Variants in CTNNA3 observed in about 807,000 individuals in gnomAD.
CTNNA3 encodes the protein catenin alpha-3.
Under a neutral mutation model 95.7 loss-of-function variants are expected in CTNNA3, and 76 were observed. The ratio of observed to expected loss-of-function variants is 0.79; its 90% CI spans 0.66 to 0.96. The LOEUF (loss-of-function observed/expected upper bound fraction) is 0.96, where lower values mean the gene tolerates loss of function less well. Among genes scored for constraint, CTNNA3 ranks in the 40% least tolerant of loss-of-function variants. The pLI is 0.00. For synonymous variants in CTNNA3, 431 were observed against 374.4 expected (o/e 1.15, Z -1.74); for missense variants, 1,191 against 1,089.8 (o/e 1.09, Z -1.31).
chr10:66,138,068 C>T (rs1161905395), intron 13 of CTNNA3, among the ~76,000 whole-genome samples: 2 of 151,342 alleles, frequency 1.3e-5, no homozygotes, highest in Non-Finnish European at 3.0e-5. Context: ...AGTAAAAGAA[C>T]AAAATTACTC....
chr10:66,838,865 T>A (rs1842960988), intron 7 of CTNNA3, among the ~76,000 whole-genome samples: 1 of 152,210 alleles, frequency 6.6e-6, no homozygotes, highest in African/African-American at 2.4e-5. Flanking sequence ...TACCTCAGAC[T>A]AATCACTGAA....
chr10:67,262,372 G>A (rs1005561020), intron 5 of CTNNA3, among the ~76,000 whole-genome samples: 1 of 152,100 alleles, frequency 6.6e-6, no homozygotes, highest in Non-Finnish European at 1.5e-5. Context: ...GAACATCCAC[G>A]CAAGAGGATA....
At chr10:66,093,953 G>T (rs755541080) in intron 14 of CTNNA3, among the ~76,000 whole-genome samples, 6 of 152,046 alleles carry the variant, frequency 3.9e-5, no homozygotes, top group Admixed American at 6.6e-5. Flanking sequence ...AGTGCTAAAA[G>T]AAGACAACAT....
At chr10:67,656,203 A>T (rs1281677930) in intron 1 of CTNNA3, among the ~76,000 whole-genome samples, 2 of 152,228 alleles carry the variant, frequency 1.3e-5, no homozygotes, top group Non-Finnish European at 2.9e-5. Context: ...GGTAAACAAA[A>T]GGATCTGAGG....
intron 11 of CTNNA3, among the ~76,000 whole-genome samples, chr10:66,431,642 A>G (rs1320577903): frequency 6.6e-6 from 1 of 151,548 alleles, no homozygotes; most frequent in South Asian, 2.1e-4. Context: ...AAACTGTCGC[A>G]AGGACAAAAA....
chr10:67,122,872 T>A (rs1859536472), intron 7 of CTNNA3, among the ~76,000 whole-genome samples: 1 of 152,110 alleles, frequency 6.6e-6, no homozygotes, highest in Non-Finnish European at 1.5e-5. Flanking sequence ...CTACCTAATG[T>A]GTCAGAATTG....
At chr10:67,528,780 A>T (rs1840226775) in intron 4 of CTNNA3, among the ~76,000 whole-genome samples, 1 of 152,228 alleles carries the variant, frequency 6.6e-6, no homozygotes, top group South Asian at 2.1e-4. Context: ...CAAAGTAAGC[A>T]CACAAAAATA....
chr10:66,276,865 T>C (rs1275929244), intron 13 of CTNNA3, among the ~76,000 whole-genome samples: 2 of 152,102 alleles, frequency 1.3e-5, no homozygotes, highest in African/African-American at 4.8e-5. Context: ...CATGTAAGCA[T>C]AATAATCTTT....
intron 10 of CTNNA3, among the ~76,000 whole-genome samples, chr10:66,603,277 T>C (rs1843998387): frequency 6.6e-6 from 1 of 152,066 alleles, no homozygotes; most frequent in African/African-American, 2.4e-5. Context: ...AAATTAATAG[T>C]GTGTCTGCAA....
At chr10:66,206,771 G>T (rs2087785535) in intron 13 of CTNNA3, among the ~76,000 whole-genome samples, 1 of 151,796 alleles carries the variant, frequency 6.6e-6, no homozygotes, top group African/African-American at 2.4e-5. Flanking sequence ...ATATTTTCTG[G>T]TGTTTCTTAT....
At chr10:66,922,596 G>A (rs988712864) in intron 7 of CTNNA3, among the ~76,000 whole-genome samples, 2 of 152,140 alleles carry the variant, frequency 1.3e-5, no homozygotes, top group Admixed American at 6.5e-5. Flanking sequence ...GACTTAAGGG[G>A]TCGTGCCAAA....
chr10:67,195,518 C>T (rs1389002431), intron 6 of CTNNA3, among the ~76,000 whole-genome samples: 4 of 122,498 alleles, frequency 3.3e-5, no homozygotes, highest in Non-Finnish European at 6.9e-5. Context: ...GGGCGGGGGG[C>T]GGGTAGGCTC....
chr10:67,181,097 A>G (rs978895464), intron 6 of CTNNA3, among the ~76,000 whole-genome samples: 3 of 152,204 alleles, frequency 2.0e-5, no homozygotes, highest in Non-Finnish European at 4.4e-5. Flanking sequence ...ACAAGTATCC[A>G]TGTCTTTCAA....
intron 3 of CTNNA3, among the ~76,000 whole-genome samples, chr10:67,546,232 A>G (rs77154340): frequency 0.13 from 19,639 of 152,016 alleles, 1,581 homozygotes; most frequent in East Asian, 0.31. Context: ...CCTGGGATCA[A>G]GCAATCCTCC....
At chr10:67,325,537 G>A (rs558996406) in intron 5 of CTNNA3, among the ~76,000 whole-genome samples, 1 of 152,190 alleles carries the variant, frequency 6.6e-6, no homozygotes, top group African/African-American at 2.4e-5. Context: ...AAATTATGTG[G>A]CTTTGAGTGA....
chr10:66,063,888 A>G (rs2080260453), intron 15 of CTNNA3, among the ~76,000 whole-genome samples: 1 of 152,152 alleles, frequency 6.6e-6, no homozygotes, highest in African/African-American at 2.4e-5. Flanking sequence ...CTTCCTGAAT[A>G]TAAGAATAGT....
intron 7 of CTNNA3, among the ~76,000 whole-genome samples, chr10:66,827,418 A>G (rs1279145200): frequency 2.6e-5 from 4 of 152,066 alleles, no homozygotes; most frequent in African/African-American, 7.2e-5. Flanking sequence ...TGATACTTTC[A>G]ATTTCTGATT....
intron 9 of CTNNA3, among the ~76,000 whole-genome samples, chr10:66,713,082 G>A (rs1200717465): frequency 3.9e-5 from 6 of 152,006 alleles, no homozygotes; most frequent in African/African-American, 1.4e-4. Context: ...AACCCTCAAG[G>A]TAACAGAGCT....
At chr10:66,685,403 C>T (rs7475832) in intron 9 of CTNNA3, among the ~76,000 whole-genome samples, 44,640 of 84,212 alleles carry the variant, frequency 0.53, 12,525 homozygotes, top group African/African-American at 0.67. Flanking sequence ...GATGGAGTCT[C>T]GCTCTTTCGC....
Sources: allele counts gnomAD v4.1 joint callset (sites outside exome capture counted in the v4.1 genomes callset), GRCh38; gene constraint gnomAD v4.1.1; transcripts MANE v1.5; gene names NCBI Gene and HGNC (gene_info 2026-07-23, HGNC 2026-07-21).